Variants in STXBP5L observed in about 807,000 individuals in gnomAD.
STXBP5L encodes syntaxin binding protein 5L, also known as syntaxin-binding protein 5-like.
In STXBP5L, 65 loss-of-function variants were observed where a neutral mutation model predicts 144.5. The ratio of observed to expected loss-of-function variants is 0.45; its 90% CI spans 0.37 to 0.55. STXBP5L has a LOEUF of 0.55. Among genes scored for constraint, STXBP5L ranks in the 20% least tolerant of loss-of-function variants. STXBP5L has a pLI of 0.00. For missense variants in STXBP5L, 1,298 were observed against 1,405.5 expected, an observed-to-expected ratio of 0.92 and a Z score of 1.22; for synonymous variants, 505 against 469.6, an observed-to-expected ratio of 1.08 and a Z score of -0.97.
intron 14 of STXBP5L, among the ~76,000 whole-genome samples, chr3:121,246,390 A>G (rs1577296339): frequency 1.3e-5 from 2 of 152,298 alleles, no homozygotes; most frequent in African/African-American, 4.8e-5. Context: ...GTTAGACCAC[A>G]CATCTGTAGA....
chr3:120,952,357 G>A (rs963190059), intron 2 of STXBP5L, among the ~76,000 whole-genome samples: 7 of 151,944 alleles, frequency 4.6e-5, no homozygotes, highest in Non-Finnish European at 7.4e-5. Flanking sequence ...AAAGAATATT[G>A]TGTAGTTTTC....
intron 20 of STXBP5L, 77 bp from the exon 21 acceptor site, chr3:121,378,639 G>T (rs2046251224): frequency 1.4e-6 from 2 of 1,398,856 alleles, no homozygotes; most frequent in Admixed American, 4.6e-5. Context: ...ATCTTCATTT[G>T]TTAATCTACA....
chr3:121,377,397 G>A (rs1198577874), intron 20 of STXBP5L, among the ~76,000 whole-genome samples: 2 of 152,166 alleles, frequency 1.3e-5, no homozygotes, highest in Non-Finnish European at 2.9e-5. Flanking sequence ...GAGTGAACAG[G>A]CAACATACAG....
At chr3:121,159,744 C>T (rs1186180185) in intron 9 of STXBP5L, among the ~76,000 whole-genome samples, 3 of 151,698 alleles carry the variant, frequency 2.0e-5, no homozygotes, top group Non-Finnish European at 4.4e-5. Flanking sequence ...ATTCTCCTGC[C>T]TCAGCCTCCC....
At chr3:121,334,567 A>G (rs991875615) in intron 20 of STXBP5L, among the ~76,000 whole-genome samples, 1 of 151,592 alleles carries the variant, frequency 6.6e-6, no homozygotes, top group Non-Finnish European at 1.5e-5. Flanking sequence ...AATAGCCTTG[A>G]TGGTCATTGA....
In STXBP5L at chr3:121,238,977, A is replaced by T; in HGVS notation, c.1191A>T (p.Pro397=). The T allele has an allele frequency of 6.3e-7, 1 of 1,588,718 alleles. No homozygotes were observed. The highest frequency in any genetic ancestry group is 1.2e-5 in the South Asian group (1 of 86,602). The part of the protein sequence containing the change: ...IVVDLTQSNF[P]IFENPYPMDI... ...TATTGTCTTTATCTATTAGTTTTCC[A>T]ATCTTTGAAAATCCATATCCCATGG... Residue 397 remains proline, a synonymous_variant, in exon 13 of 27, where the codon CCA becomes CCT. Coordinates refer to ENST00000471454, the MANE Select transcript of STXBP5L (RefSeq NM_001308330.2).
chr3:121,002,383 C>G (rs1943857091), intron 3 of STXBP5L, among the ~76,000 whole-genome samples: 1 of 151,912 alleles, frequency 6.6e-6, no homozygotes, highest in Non-Finnish European at 1.5e-5. Context: ...GGTCATTTGC[C>G]CATTTTAAAA....
chr3:121,323,144 G>T (rs910681660), intron 20 of STXBP5L, among the ~76,000 whole-genome samples: 4 of 152,100 alleles, frequency 2.6e-5, no homozygotes, highest in African/African-American at 9.7e-5. Context: ...TCTGTAGTTT[G>T]TCTGTCCACC....
intron 22 of STXBP5L, among the ~76,000 whole-genome samples, chr3:121,390,716 C>T (rs57998922): frequency 7.2e-5 from 11 of 152,344 alleles, no homozygotes; most frequent in African/African-American, 2.2e-4. Flanking sequence ...TTGGCCCCCA[C>T]TCTCTTCTGG....
chr3:120,975,024 G>C (rs1430631627), intron 3 of STXBP5L, among the ~76,000 whole-genome samples: 1 of 152,036 alleles, frequency 6.6e-6, no homozygotes, highest in African/African-American at 2.4e-5. Flanking sequence ...TTGGCGATGC[G>C]GGCTCTTTTT....
At chr3:121,268,816 A>G (rs981951062) in intron 18 of STXBP5L, among the ~76,000 whole-genome samples, 4 of 152,184 alleles carry the variant, frequency 2.6e-5, no homozygotes, top group Non-Finnish European at 5.9e-5. Context: ...AGCTGTATGA[A>G]TCATCAACTA....
chr3:121,299,831 T>G (rs2051814673), intron 19 of STXBP5L, among the ~76,000 whole-genome samples: 1 of 151,590 alleles, frequency 6.6e-6, no homozygotes, highest in Non-Finnish European at 1.5e-5. Context: ...TACCAAAAAC[T>G]ACAAAAAGTT....
chr3:121,050,727 C>A (rs1247744725), intron 5 of STXBP5L, among the ~76,000 whole-genome samples: 1 of 152,164 alleles, frequency 6.6e-6, no homozygotes, highest in Admixed American at 6.5e-5. Context: ...CAAATACACA[C>A]ATAACAATAT....
At chr3:121,095,905 A>T (rs751844417) in intron 5 of STXBP5L, among the ~76,000 whole-genome samples, 6 of 151,812 alleles carry the variant, frequency 4.0e-5, no homozygotes, top group Admixed American at 6.6e-5. Context: ...TTTTTTCCCC[A>T]TCTTTGTGAT....
At chr3:121,256,217 C>T (rs2050202037) in intron 16 of STXBP5L, among the ~76,000 whole-genome samples, 4 of 151,968 alleles carry the variant, frequency 2.6e-5, no homozygotes, top group Admixed American at 2.0e-4. Flanking sequence ...ATAATAGTGT[C>T]CTTACTGTAG....
intron 5 of STXBP5L, among the ~76,000 whole-genome samples, chr3:121,055,503 T>A (rs114019663): frequency 0.02 from 3,032 of 152,154 alleles, 40 homozygotes; most frequent in Non-Finnish European, 0.029. Context: ...ATTATTATTA[T>A]TACTATTATT....
At chr3:120,976,003 CT>C (rs1165971126) in intron 3 of STXBP5L, among the ~76,000 whole-genome samples, 1 of 146,782 alleles carries the variant, frequency 6.8e-6, no homozygotes, top group Non-Finnish European at 1.5e-5. Flanking sequence ...GTCTAAAATT[CT>C]CTTTTTTTTG....
intron 16 of STXBP5L, 27 bp from the exon 17 acceptor site, chr3:121,257,129 CTTAAA>C (rs2050231433): frequency 1.3e-6 from 2 of 1,505,386 alleles, no homozygotes; most frequent in South Asian, 1.2e-5. Context: ...ATTAGTGTGA[CTTAAA>C]TTAAATTTAA....
At chr3:120,924,234 C>T (rs1389307321) in intron 2 of STXBP5L, among the ~76,000 whole-genome samples, 1 of 152,074 alleles carries the variant, frequency 6.6e-6, no homozygotes, top group African/African-American at 2.4e-5. Flanking sequence ...AATTGTATTC[C>T]ACTTAAATTA....
Sources: allele counts gnomAD v4.1 joint callset (sites outside exome capture counted in the v4.1 genomes callset), GRCh38; gene constraint gnomAD v4.1.1; transcripts MANE v1.5; gene names NCBI Gene and HGNC (gene_info 2026-07-23, HGNC 2026-07-21).